DPYSL3: variants seen among roughly 807,000 people sequenced by gnomAD.
The protein encoded by DPYSL3 is dihydropyrimidinase like 3.
DPYSL3 carries 16 observed loss-of-function variants against 66.1 expected under a neutral mutation model. That is an observed-to-expected ratio of 0.24 (90% CI 0.16 to 0.37). The LOEUF (loss-of-function observed/expected upper bound fraction) is 0.37, where lower values mean the gene tolerates loss of function less well. Among genes scored for constraint, DPYSL3 ranks in the 10% least tolerant of loss-of-function variants. The pLI is 1.00. For missense variants in DPYSL3, 738 were observed against 916.2 expected, an observed-to-expected ratio of 0.81 and a Z score of 2.51; for synonymous variants, 338 against 345.1, an observed-to-expected ratio of 0.98 and a Z score of 0.23.
At chr5:147,437,926 C>T (rs753470051) in intron 1 of DPYSL3, among the ~76,000 whole-genome samples, 75 of 152,320 alleles carry the variant, frequency 4.9e-4, no homozygotes, top group Non-Finnish European at 9.1e-4. Context: ...AGGTCAAAGC[C>T]TTCCACCTAG....
At chr5:147,421,650 A>G (rs1394028207) in intron 2 of DPYSL3, among the ~76,000 whole-genome samples, 3 of 152,214 alleles carry the variant, frequency 2.0e-5, no homozygotes, top group Admixed American at 6.5e-5. Flanking sequence ...TGGTACTGGT[A>G]GCAAAACAGA....
chr5:147,500,613 CAAAA>C (rs755104191), intron 1 of DPYSL3, among the ~76,000 whole-genome samples: 2 of 57,284 alleles, frequency 3.5e-5, no homozygotes, highest in Admixed American at 1.8e-4. Flanking sequence ...GACTCCATCT[CAAAA>C]AAAAAAAAAA....
intron 1 of DPYSL3, among the ~76,000 whole-genome samples, chr5:147,497,359 C>T (rs1753534847): frequency 6.6e-6 from 1 of 151,754 alleles, no homozygotes; most frequent in South Asian, 2.1e-4. Flanking sequence ...ATGTAATAAA[C>T]CTGCACGTCA....
chr5:147,486,630 A>G (rs1344720509), intron 1 of DPYSL3, among the ~76,000 whole-genome samples: 2 of 152,100 alleles, frequency 1.3e-5, no homozygotes, highest in African/African-American at 2.4e-5. Flanking sequence ...CTTCAACATG[A>G]TCCCTTCAAG....
At chr5:147,394,682 CA>C (rs34195078) in intron 13 of DPYSL3, among the ~76,000 whole-genome samples, 32,002 of 144,390 alleles carry the variant, frequency 0.22, 3,568 homozygotes, top group East Asian at 0.37. Flanking sequence ...ACAACAACAA[CA>C]AAAAAAAAAA....
rs1419110244 is a variant in DPYSL3, at chr5:147,391,786, G to A, written c.*2249C>T. 3 of 152,194 alleles carry A rather than the reference G, an allele frequency of 2.0e-5. No homozygotes were observed. The East Asian group carries it at 5.8e-4, about 29-fold the overall frequency. The allele number at this position is 152,194 out of a possible 1,614,324, so 9.4% of individuals were successfully genotyped here. A position where few individuals can be genotyped will look rare whatever the true frequency, so the allele number is the denominator to read the frequency against. On this transcript the variant is annotated 3_prime_UTR_variant, in exon 14 of 14. Coordinates refer to ENST00000343218, the MANE Select transcript of DPYSL3 (RefSeq NM_001197294.2). ...AGAAAGAGAGGCTTCCTGAGCTCAT[G>A]TTGTTCCTCCCAAGGGCATTTGGGG...
Position 147,399,109 on chromosome 5 carries a change from C to A in DPYSL3, c.1596G>T (p.Lys532Asn). Residue 532 changes from lysine (K) to asparagine (N), a missense_variant, in exon 11 of 14, where the codon AAG (lysine) becomes AAT (asparagine). Coordinates refer to ENST00000343218, the MANE Select transcript of DPYSL3 (RefSeq NM_001197294.2). Reference sequence around the variant, plus strand: ...ACTGGTGGTTCTTGGCAGAGACGATCTTCACAGCATCTGGATCCCAGATGA... The same window carrying A: ...ACTGGTGGTTCTTGGCAGAGACGATATTCACAGCATCTGGATCCCAGATGA... The part of the protein sequence containing the change: ...DLVIWDPDAV[K>N]IVSAKNHQSA... The A allele has an allele frequency of 6.2e-7, 1 of 1,614,216 alleles. No individual in the cohort carries two copies.
chr5:147,464,665 T>C (rs1488710886), intron 1 of DPYSL3, among the ~76,000 whole-genome samples: 1 of 152,216 alleles, frequency 6.6e-6, no homozygotes, highest in Non-Finnish European at 1.5e-5. Context: ...CATAATGTAC[T>C]TGAGCCTGAG....
At chr5:147,438,709 T>A (rs1752461726) in intron 1 of DPYSL3, among the ~76,000 whole-genome samples, 2 of 152,248 alleles carry the variant, frequency 1.3e-5, no homozygotes, top group Non-Finnish European at 1.5e-5. Flanking sequence ...TTGTGATGTG[T>A]CTCTGCTCAG....
chr5:147,453,481 G>A, intron 1 of DPYSL3: 1 of 1,492,106 alleles, frequency 6.7e-7, no homozygotes, highest in Admixed American at 2.2e-5. Context: ...GATCCGAGCC[G>A]ACCCCGCCCG....
intron 1 of DPYSL3, among the ~76,000 whole-genome samples, chr5:147,492,414 G>A (rs1344497238): frequency 2.6e-5 from 4 of 151,972 alleles, no homozygotes; most frequent in Admixed American, 6.6e-5. Context: ...GTATCTAACA[G>A]ATAACAGTTT....
chr5:147,450,408 C>T, intron 1 of DPYSL3, among the ~76,000 whole-genome samples: 1 of 152,178 alleles, frequency 6.6e-6, no homozygotes, highest in East Asian at 1.9e-4. Context: ...CATCGCGAGA[C>T]AGTGAAGATC....
chr5:147,503,664 C>A (rs76309560), intron 1 of DPYSL3, among the ~76,000 whole-genome samples: 2,613 of 152,266 alleles, frequency 0.017, 33 homozygotes, highest in South Asian at 0.034. Flanking sequence ...CATATATACA[C>A]ACACAAGGAA....
intron 1 of DPYSL3, among the ~76,000 whole-genome samples, chr5:147,491,110 A>C (rs140069207): frequency 8.5e-5 from 13 of 152,214 alleles, no homozygotes; most frequent in African/African-American, 3.1e-4. Context: ...CTTGGAGAAC[A>C]AAATAATACC....
intron 4 of DPYSL3, among the ~76,000 whole-genome samples, chr5:147,415,322 T>C (rs752243329): frequency 1.6e-4 from 25 of 152,188 alleles, no homozygotes; most frequent in Non-Finnish European, 2.9e-4. Flanking sequence ...CCTAATCTCA[T>C]AGGTCATACT....
At chr5:147,462,810 A>T (rs974451626) in intron 1 of DPYSL3, among the ~76,000 whole-genome samples, 16 of 152,132 alleles carry the variant, frequency 1.1e-4, no homozygotes, top group Non-Finnish European at 1.9e-4. Flanking sequence ...GTGGGAAAAA[A>T]AAGCCACGTG....
At chr5:147,426,136 G>A (rs1271395982) in intron 1 of DPYSL3, among the ~76,000 whole-genome samples, 1 of 151,994 alleles carries the variant, frequency 6.6e-6, no homozygotes, top group East Asian at 1.9e-4. Flanking sequence ...AACAAATCAA[G>A]CAATCTAAAA....
chr5:147,440,527 G>A (rs1752512845), intron 1 of DPYSL3, among the ~76,000 whole-genome samples: 1 of 152,122 alleles, frequency 6.6e-6, no homozygotes, highest in Non-Finnish European at 1.5e-5. Context: ...CTCTCTGATG[G>A]ATCAGATGTC....
intron 2 of DPYSL3, among the ~76,000 whole-genome samples, chr5:147,419,843 C>A (rs551512259): frequency 2.0e-5 from 3 of 152,264 alleles, no homozygotes; most frequent in Non-Finnish European, 2.9e-5. Context: ...TAAAATGCAG[C>A]CTCTGATCCT....
Sources: gnomAD v4.1 joint callset for allele counts (sites outside exome capture counted in the v4.1 genomes callset) on GRCh38, gnomAD v4.1.1 for gene constraint, MANE v1.5 for transcripts, NCBI Gene and HGNC (gene_info 2026-07-23, HGNC 2026-07-21) for gene names.